The following C2CD3 variants were observed in gnomAD, a reference collection of about 807,000 sequenced individuals.
C2CD3 encodes C2 domain containing 3 centriole elongation regulator.
In C2CD3, 148 loss-of-function variants were observed where a neutral mutation model predicts 234.0. That is an observed-to-expected ratio of 0.63 (90% CI 0.55 to 0.72). The LOEUF (loss-of-function observed/expected upper bound fraction) is 0.72, where lower values mean the gene tolerates loss of function less well. C2CD3 is among the 30% of genes least tolerant of loss of function. The pLI, the probability that C2CD3 is intolerant of heterozygous loss-of-function variation, is 0.00. For missense variants in C2CD3, 2,577 were observed against 2,811.5 expected (o/e 0.92, Z 1.89); for synonymous variants, 1,000 against 1,035.4 (o/e 0.97, Z 0.66).
intron 3 of C2CD3, among the ~76,000 whole-genome samples, chr11:74,149,358 T>TA (rs11353762): frequency 6.6e-6 from 1 of 151,436 alleles, no homozygotes; most frequent in Non-Finnish European, 1.5e-5. Context: ...TTTGCTTAGT[T>TA]AAAAAAAAAA....
chr11:74,061,575 G>C (rs868755509), intron 24 of C2CD3, among the ~76,000 whole-genome samples: 2 of 152,198 alleles, frequency 1.3e-5, no homozygotes, highest in African/African-American at 4.8e-5. Context: ...CAAATGCTGA[G>C]AGATTTTTCT....
intron 32 of C2CD3, among the ~76,000 whole-genome samples, chr11:74,026,945 G>T (rs1054556531): frequency 1.9e-4 from 28 of 146,148 alleles, no homozygotes; most frequent in Non-Finnish European, 7.5e-5. Context: ...CATTCCAGCT[G>T]GCGACAGAAT....
At chr11:74,044,897 T>G (rs1953285663) in intron 28 of C2CD3, among the ~76,000 whole-genome samples, 1 of 152,140 alleles carries the variant, frequency 6.6e-6, no homozygotes, top group Admixed American at 6.5e-5. Flanking sequence ...TTGTTCTTTT[T>G]TTTTTTTAAT....
chr11:74,169,126 T>C (rs1455595854), intron 1 of C2CD3, among the ~76,000 whole-genome samples: 2 of 152,206 alleles, frequency 1.3e-5, no homozygotes, highest in African/African-American at 4.8e-5. Flanking sequence ...TTAGACTATA[T>C]CATACAACTC....
intron 7 of C2CD3, among the ~76,000 whole-genome samples, chr11:74,127,680 T>C (rs1248962148): frequency 6.6e-6 from 1 of 152,082 alleles, no homozygotes. Context: ...GTTTGAGGAG[T>C]GGACAGACTA....
At chr11:74,089,747 A>C (rs908344519) in intron 20 of C2CD3, among the ~76,000 whole-genome samples, 2 of 152,328 alleles carry the variant, frequency 1.3e-5, no homozygotes, top group East Asian at 3.9e-4. Flanking sequence ...TGACTAGAGG[A>C]ACTCACAGCC....
At chr11:74,132,702 G>T in intron 7 of C2CD3, 142 bp downstream of exon 7, 1 of 750,126 alleles carries the variant, frequency 1.3e-6, no homozygotes, top group Non-Finnish European at 2.2e-6. Flanking sequence ...TTATTTAGTA[G>T]GCAATAGTGA....
chr11:74,072,637 C>T (rs1038095415), intron 24 of C2CD3, among the ~76,000 whole-genome samples: 1 of 151,986 alleles, frequency 6.6e-6, no homozygotes, highest in African/African-American at 2.4e-5. Flanking sequence ...TGTACACATA[C>T]AATTTATTGG....
intron 1 of C2CD3, among the ~76,000 whole-genome samples, chr11:74,168,839 A>T (rs908297768): frequency 6.6e-6 from 1 of 152,216 alleles, no homozygotes; most frequent in Non-Finnish European, 1.5e-5. Context: ...TCTGATAACT[A>T]ATTAGTATTT....
At chr11:74,027,372 T>C (rs1179189051) in intron 32 of C2CD3, among the ~76,000 whole-genome samples, 2 of 152,220 alleles carry the variant, frequency 1.3e-5, no homozygotes, top group South Asian at 2.1e-4. Context: ...CCTCCCAAAG[T>C]GCTGGGATTA....
chr11:74,028,240 A>C, intron 32 of C2CD3, 47 bp downstream of exon 32: 96 of 1,307,450 alleles, frequency 7.3e-5, no homozygotes, highest in Non-Finnish European at 8.5e-5. Flanking sequence ...CTTCTGTGGA[A>C]GAGATGATGA....
intron 17 of C2CD3, among the ~76,000 whole-genome samples, chr11:74,094,809 T>C (rs1181379742): frequency 6.6e-6 from 1 of 152,226 alleles, no homozygotes; most frequent in African/African-American, 2.4e-5. Context: ...GATATGTATA[T>C]GTACATATTT....
chr11:74,057,865 G>A (rs1425579780), intron 24 of C2CD3, among the ~76,000 whole-genome samples: 1 of 152,096 alleles, frequency 6.6e-6, no homozygotes. Flanking sequence ...CTCAGGAGGT[G>A]GGAGGATCTC....
chr11:74,107,322 T>TCACACACACACA (rs142285119), intron 12 of C2CD3, among the ~76,000 whole-genome samples: 94 of 146,616 alleles, frequency 6.4e-4, no homozygotes, highest in East Asian at 1.8e-3. Flanking sequence ...TGAAACTGTG[T>TCACACACACACA]CACACACACA....
intron 8 of C2CD3, among the ~76,000 whole-genome samples, chr11:74,121,728 T>C (rs984347788): frequency 1.3e-5 from 2 of 151,852 alleles, no homozygotes; most frequent in South Asian, 2.1e-4. Context: ...ATTTAATAAA[T>C]GACAGATAAG....
Position 74,170,988 on chromosome 11 carries a change from C to T in C2CD3, c.-196G>A. 4 of 1,269,760 alleles carry T rather than the reference C, an allele frequency of 3.2e-6. No homozygotes were observed. The highest frequency in any genetic ancestry group is 1.5e-5 in the African/African-American group (1 of 66,800). The allele number at this position is 1,269,760 out of a possible 1,614,324, so 78.7% of individuals were successfully genotyped here. On this transcript the variant is annotated 5_prime_UTR_variant, in exon 1 of 33. Transcript: ENST00000334126. ...GAAGAGAAGGCGCCAAGACGCCTTC[C>T]CTCCAATACACTACAATACCCAGGA...
intron 7 of C2CD3, among the ~76,000 whole-genome samples, chr11:74,130,681 A>C (rs895761776): frequency 5.9e-5 from 9 of 152,198 alleles, no homozygotes; most frequent in African/African-American, 2.2e-4. Flanking sequence ...CTAAACTATC[A>C]ACTCTATTCC....
chr11:74,113,682 A>G (rs1956825690), intron 11 of C2CD3, 98 bp downstream of exon 11: 1 of 405,120 alleles, frequency 2.5e-6, no homozygotes, highest in Non-Finnish European at 4.3e-6. Context: ...TCCATGTCAA[A>G]AAAAAAAAAA....
chr11:74,015,362 C>G (rs1211647805), intron 32 of C2CD3, among the ~76,000 whole-genome samples: 1 of 152,208 alleles, frequency 6.6e-6, no homozygotes, highest in Non-Finnish European at 1.5e-5. Context: ...TATGCCAGGT[C>G]TTTAGTTAAG....
Sources: allele counts gnomAD v4.1 joint callset (sites outside exome capture counted in the v4.1 genomes callset), GRCh38; gene constraint gnomAD v4.1.1; transcripts MANE v1.5; gene names NCBI Gene and HGNC (gene_info 2026-07-23, HGNC 2026-07-21).